Variants in CDK6 observed in about 807,000 individuals in gnomAD.
CDK6 encodes cyclin dependent kinase 6.
Under a neutral mutation model 37.1 loss-of-function variants are expected in CDK6, and 6 were observed. The ratio of observed to expected loss-of-function variants is 0.16; its 90% CI spans 0.09 to 0.32. The LOEUF is 0.32. Among genes scored for constraint, CDK6 ranks in the 10% least tolerant of loss-of-function variants. The pLI is 1.00. For synonymous variants in CDK6, 160 were observed against 161.3 expected, an observed-to-expected ratio of 0.99 and a Z score of 0.06; for missense variants, 224 against 418.9, an observed-to-expected ratio of 0.53 and a Z score of 4.06.
intron 4 of CDK6, among the ~76,000 whole-genome samples, chr7:92,704,096 G>A (rs962510962): frequency 1.6e-4 from 24 of 151,986 alleles, no homozygotes; most frequent in South Asian, 6.2e-4. Flanking sequence ...TATCTCCTAC[G>A]CAAAAGACCT....
intron 5 of CDK6, among the ~76,000 whole-genome samples, chr7:92,657,737 A>G (rs1796729464): frequency 6.6e-6 from 1 of 152,204 alleles, no homozygotes; most frequent in African/African-American, 2.4e-5. Flanking sequence ...AATATTTTTG[A>G]CACAGTCTCA....
intron 4 of CDK6, among the ~76,000 whole-genome samples, chr7:92,693,676 C>T (rs1306920011): frequency 6.6e-6 from 1 of 152,118 alleles, no homozygotes; most frequent in African/African-American, 2.4e-5. Flanking sequence ...TTTACATTTA[C>T]AGTCAATCTT....
intron 3 of CDK6, among the ~76,000 whole-genome samples, chr7:92,738,951 T>G (rs192214930): frequency 2.6e-5 from 4 of 152,160 alleles, no homozygotes; most frequent in African/African-American, 4.8e-5. Flanking sequence ...CTTTTTCTTA[T>G]ACTGGTCCTC....
intron 2 of CDK6, among the ~76,000 whole-genome samples, chr7:92,804,483 T>C (rs1257806713): frequency 1.3e-5 from 2 of 152,136 alleles, no homozygotes; most frequent in African/African-American, 2.4e-5. Flanking sequence ...AATCAAACAA[T>C]TGTGGGAAAA....
chr7:92,672,180 C>CAG (rs1797094048), intron 4 of CDK6, among the ~76,000 whole-genome samples: 7 of 98,988 alleles, frequency 7.1e-5, no homozygotes, highest in Non-Finnish European at 9.9e-5. Context: ...CACACACACA[C>CAG]ACAGACACAT....
intron 4 of CDK6, among the ~76,000 whole-genome samples, chr7:92,683,392 CAGGT>C (rs1205242510): frequency 6.6e-6 from 1 of 152,190 alleles, no homozygotes. Flanking sequence ...TGAGTACTAG[CAGGT>C]TATATGGTTA....
intron 6 of CDK6, among the ~76,000 whole-genome samples, chr7:92,620,142 C>T (rs1795777528): frequency 6.6e-6 from 1 of 152,086 alleles, no homozygotes; most frequent in Non-Finnish European, 1.5e-5. Context: ...TTGAATGTAT[C>T]TACATCTAAT....
intron 5 of CDK6, among the ~76,000 whole-genome samples, chr7:92,666,707 C>T (rs762539105): frequency 6.6e-6 from 1 of 152,184 alleles, no homozygotes; most frequent in Non-Finnish European, 1.5e-5. Flanking sequence ...CAGTGCATTA[C>T]TCACTTCACA....
rs553564360 is a variant in CDK6 at position 92,612,297 on chromosome 7, T to C, written c.*2843A>G. On this transcript the variant is annotated 3_prime_UTR_variant, in exon 8 of 8. Transcript: ENST00000424848. ...TGCTATGAGCTGCTTCAGTGTAACCTTGGGGCAATATGCCCTTTTCAGTTC... is the reference window on the plus strand; with the variant it reads ...TGCTATGAGCTGCTTCAGTGTAACCCTGGGGCAATATGCCCTTTTCAGTTC... 3 of 233,184 alleles carry C rather than the reference T, an allele frequency of 1.3e-5. No homozygotes were observed. In the East Asian group the frequency reaches 1.8e-4, roughly 14 times the overall value. The allele number at this position is 233,184 out of a possible 1,614,324, so 14.4% of individuals were successfully genotyped here.
intron 4 of CDK6, among the ~76,000 whole-genome samples, chr7:92,700,930 G>A (rs1265135596): frequency 1.3e-5 from 2 of 152,248 alleles, no homozygotes; most frequent in Non-Finnish European, 2.9e-5. Context: ...GGCAGCAGAA[G>A]GCTGCCTGCA....
intron 4 of CDK6, among the ~76,000 whole-genome samples, chr7:92,676,780 G>A (rs925304544): frequency 3.3e-5 from 5 of 152,004 alleles, no homozygotes; most frequent in African/African-American, 1.2e-4. Flanking sequence ...CAAAACTAGT[G>A]ATAATTTCAC....
chr7:92,669,832 T>C (rs1369388192), intron 5 of CDK6, among the ~76,000 whole-genome samples: 1 of 152,194 alleles, frequency 6.6e-6, no homozygotes, highest in Non-Finnish European at 1.5e-5. Context: ...GGGGTTCTTA[T>C]CCTGGAGGCT....
chr7:92,757,408 G>C (rs1032052091), intron 3 of CDK6, among the ~76,000 whole-genome samples: 1 of 152,100 alleles, frequency 6.6e-6, no homozygotes, highest in African/African-American at 2.4e-5. Flanking sequence ...TGCAGTATTT[G>C]GTTTTCTGTT....
intron 5 of CDK6, among the ~76,000 whole-genome samples, chr7:92,627,706 C>A (rs1795959949): frequency 6.6e-6 from 1 of 151,838 alleles, no homozygotes; most frequent in African/African-American, 2.4e-5. Flanking sequence ...CTAAAATCGA[C>A]TGTGGTGGTA....
chr7:92,696,162 T>C (rs1470162715), intron 4 of CDK6, among the ~76,000 whole-genome samples: 3 of 152,128 alleles, frequency 2.0e-5, no homozygotes, highest in African/African-American at 7.2e-5. Context: ...GAAGGAAGCA[T>C]CCAATTTATG....
At chr7:92,670,276 T>C (rs1434353354) in intron 5 of CDK6, among the ~76,000 whole-genome samples, 1 of 152,182 alleles carries the variant, frequency 6.6e-6, no homozygotes, top group Non-Finnish European at 1.5e-5. Context: ...TTTACTCTGA[T>C]CTCCTTGTGA....
intron 5 of CDK6, among the ~76,000 whole-genome samples, chr7:92,665,857 C>T (rs1400756263): frequency 6.6e-6 from 1 of 152,220 alleles, no homozygotes; most frequent in Non-Finnish European, 1.5e-5. Flanking sequence ...GTCAGGCAGA[C>T]ATGGGGTCTT....
chr7:92,730,967 A>T (rs1448934562), intron 3 of CDK6, among the ~76,000 whole-genome samples: 1 of 152,174 alleles, frequency 6.6e-6, no homozygotes, highest in Non-Finnish European at 1.5e-5. Context: ...AATGTGGTAT[A>T]TTGTTGCTAC....
intron 6 of CDK6, among the ~76,000 whole-genome samples, chr7:92,618,581 T>C (rs533228895): frequency 7.9e-5 from 12 of 152,346 alleles, no homozygotes; most frequent in Admixed American, 3.3e-4. Flanking sequence ...CATATCTTCC[T>C]TTATGTCCAA....
Sources: allele counts gnomAD v4.1 joint callset (sites outside exome capture counted in the v4.1 genomes callset), GRCh38; gene constraint gnomAD v4.1.1; transcripts MANE v1.5; gene names NCBI Gene and HGNC (gene_info 2026-07-23, HGNC 2026-07-21).